AGRN: variants seen among roughly 807,000 people sequenced by gnomAD.
The protein encoded by AGRN is agrin proteoglycan.
Under a neutral mutation model 211.0 loss-of-function variants are expected in AGRN, and 106 were observed. That is an observed-to-expected ratio of 0.50 (90% CI 0.43 to 0.59). The LOEUF is 0.59. Ranked by LOEUF, AGRN falls within the 20% of genes least tolerant of loss-of-function variation. The pLI is 0.00. For missense variants in AGRN, 3,040 were observed against 2,982.6 expected (o/e 1.02, Z -0.45); for synonymous variants, 1,525 against 1,332.5 (o/e 1.14, Z -3.15).
chr1:1,039,504 C>T (rs778158473), intron 3 of AGRN, among the ~76,000 whole-genome samples: 2 of 151,764 alleles, frequency 1.3e-5, no homozygotes, highest in Non-Finnish European at 2.9e-5. Flanking sequence ...GATAATTGGA[C>T]CCAATTAAAC....
chr1:1,054,881 T>C lies in AGRN; in HGVS notation c.6038T>C (p.Phe2013Ser). ...CTGCCCAAGGCCTACGGCACAGGCT[T>C]TGTGGGCTGCTTGCGGGACGTGGTG... ...PALPKAYGTG[F>S]VGCLRDVVVG... The change falls in exon 36 of 36, where the codon TTT becomes TCT. Residue 2013 changes from phenylalanine (F) to serine (S), a missense_variant. Physicochemically the swap from Phe to Ser is radical, Grantham distance 155. This residue lies in a region of AGRN where 1,537 missense variants were observed against 1,505.0 expected (regional missense o/e 1.02). Transcript: ENST00000379370. 1 of 1,554,444 alleles carries C rather than the reference T, an allele frequency of 6.4e-7. No homozygotes were observed. The highest frequency in any genetic ancestry group is 8.7e-7 in the Non-Finnish European group (1 of 1,150,256).
chr1:1,049,944 C>T lies in AGRN; in HGVS notation c.4786C>T (p.Pro1596Ser), dbSNP rs777910926. ...TGAGAAGAGCCCCTGCCAGCCCAAC[C>T]CCTGCCATGGGGCGGCGCCCTGCCG... ...ADEKSPCQPNPCHGAAPCRVL... is the reference protein window; with the variant it reads ...ADEKSPCQPNSCHGAAPCRVL... The change falls in exon 27 of 36, where the codon CCC becomes TCC. Residue 1596 changes from proline (P) to serine (S), a missense_variant. By Grantham distance (74) the Pro-to-Ser change is moderately conservative. This residue lies in a region of AGRN where 1,537 missense variants were observed against 1,505.0 expected (regional missense o/e 1.02). Transcript: ENST00000379370. 1.4e-5 allele frequency: 23 copies of T among 1,612,188 alleles called. No homozygotes were observed. The highest frequency in any genetic ancestry group is 1.3e-4 in the Admixed American group (8 of 59,990).
In AGRN at chr1:1,031,828, G is replaced by A. The variant is rs372083355; in HGVS notation, c.464-3449G>A. 4.9e-4 allele frequency among the ~76,000 whole-genome samples: 74 copies of A among 152,322 alleles called. 1 individual carries two copies. The highest frequency in any genetic ancestry group is 2.3e-3 in the South Asian group (11 of 4,828). On this transcript the variant is annotated intron_variant, in intron 2 of 35. Transcript: ENST00000379370. The surrounding 1 kb of genome is among the most constrained non-coding windows in gnomAD (Gnocchi z 4.8). ...ATGGCTGAAGGTGGTGGCAGCAGGC[G>A]GGCTGGCGCGTGACCTGGTAGCACG...
At chr1:1,053,658 G>C in intron 33 of AGRN, 95 bp from the exon 34 acceptor site, 1 of 1,498,020 alleles carries the variant, frequency 6.7e-7, no homozygotes, top group South Asian at 1.2e-5. Flanking sequence ...CACAGCCCTT[G>C]TGGCCTCCGC....
intron 3 of AGRN, 113 bp downstream of exon 3, chr1:1,035,437 G>C: frequency 5.0e-6 from 7 of 1,410,720 alleles, no homozygotes; most frequent in Non-Finnish European, 7.0e-6. Context: ...TGAGGAGGAG[G>C]CTGGACAAGG....
Position 1,048,310 on chromosome 1 carries a change from CG to C in AGRN, c.4055del (p.Gly1352AlafsTer75), listed in dbSNP as rs1557714955. The stretch of plus-strand genomic sequence containing the variant: ...GGACCTGCCAGGACTGGGCATTGGG[CG>C]GGGGCTTCACCTGCAGCTGCCCGGC... ...GGTCQDWALG[G>X]GFTCSCPAGR... is the part of the protein sequence containing the mutation. On this transcript the variant is annotated frameshift_variant, in exon 23 of 36. Transcript: ENST00000379370. LOFTEE classifies it high-confidence loss of function. This position sits in a 1 kb window ranked among gnomAD's most constrained non-coding sequence, Gnocchi z 5.9. 2 of 1,493,254 alleles carry C rather than the reference CG, an allele frequency of 1.3e-6. No homozygotes were observed. The highest frequency in any genetic ancestry group is 1.4e-5 in the South Asian group (1 of 73,718). The allele number at this position is 1,493,254 out of a possible 1,614,324, so 92.5% of individuals were successfully genotyped here.
rs28758798 is a variant in AGRN at position 1,050,658 on chromosome 1, G to A, written c.5141+67G>A. ...CCCGGGGCCGGGGCACCAGCAGGTCGCTCAGGCCCTGGGTGGTCGCGTGGC... is the reference window on the plus strand; with the variant it reads ...CCCGGGGCCGGGGCACCAGCAGGTCACTCAGGCCCTGGGTGGTCGCGTGGC... On this transcript the variant is annotated intron_variant, in intron 29 of 35. Transcript: ENST00000379370. 9.4e-3 allele frequency: 14,994 copies of A among 1,603,264 alleles called. 207 individuals carry two copies. Among genetic ancestry groups the A allele is most frequent in the African/African-American group, 0.068 (5,078 of 74,816 alleles).
At chr1:1,044,711 C>T (rs1349921777) in intron 12 of AGRN, among the ~76,000 whole-genome samples, 1 of 152,176 alleles carries the variant, frequency 6.6e-6, no homozygotes, top group Non-Finnish European at 1.5e-5. Context: ...TGGGCACTTT[C>T]TCTGCATACG....
intron 2 of AGRN, among the ~76,000 whole-genome samples, chr1:1,024,191 G>A (rs1252654679): frequency 6.6e-6 from 1 of 152,090 alleles, no homozygotes; most frequent in Non-Finnish European, 1.5e-5. Flanking sequence ...TGGGGTCCCT[G>A]GCTGCCGGGA....
In AGRN at chr1:1,049,466, G is replaced by A; in HGVS notation, c.4514+15G>A. On this transcript the variant is annotated intron_variant, in intron 25 of 35. Transcript: ENST00000379370. ...CAGGCTGCCGTGTGAGTCCCTTGGA[G>A]GGTGGTGTGGCCCCGACCCCGGCCC... is the stretch of plus-strand genomic sequence containing the variant. 1.2e-6 allele frequency: 2 copies of A among 1,600,542 alleles called. No homozygotes were observed. Among genetic ancestry groups the A allele is most frequent in the Non-Finnish European group, 1.7e-6 (2 of 1,179,552 alleles).
intron 1 of AGRN, among the ~76,000 whole-genome samples, chr1:1,021,949 G>A (rs771602224): frequency 2.6e-5 from 4 of 152,250 alleles, no homozygotes; most frequent in African/African-American, 7.2e-5. Flanking sequence ...GAGCTGGGGT[G>A]GCTGAAGTTG....
Position 1,054,869 on chromosome 1 carries a change from ACG to A in AGRN, c.6027_6028del (p.Tyr2009Ter). 6.4e-7 allele frequency: 1 copy of A among 1,556,984 alleles called. No homozygotes were observed. Among genetic ancestry groups the A allele is most frequent in the Non-Finnish European group, 8.7e-7 (1 of 1,151,754 alleles). The stretch of plus-strand genomic sequence containing the variant: ...GTGGGCCCAGCACTGCCCAAGGCCT[ACG>A]GCACAGGCTTTGTGGGCTGCTTGCG... On this transcript the variant is annotated stop_gained and frameshift_variant, in exon 36 of 36. Transcript: ENST00000379370. LOFTEE classifies it high-confidence loss of function.
At chr1:1,046,374 C>G (rs368770822) in intron 17 of AGRN, 23 bp from the exon 18 acceptor site, 20 of 1,607,438 alleles carry the variant, frequency 1.2e-5, no homozygotes, top group East Asian at 2.2e-5. Context: ...CCGGTCCCCC[C>G]GCCAACCTCC....
chr1:1,030,023 A>G (rs4970346), intron 2 of AGRN, among the ~76,000 whole-genome samples: 70 of 46,204 alleles, frequency 1.5e-3, no homozygotes, highest in Middle Eastern at 0.016. Context: ...TGAGATCAGC[A>G]TGTGTGTGTG....
rs764216217 is a variant in AGRN, at chr1:1,041,668, G to A, written c.1143G>A (p.Leu381=). ...CGGGGGCCGCCCGGGGTCTCCTCCT[G>A]CAGAAAGTGCGCTCCGGCCAGTGCC... ...GRSGAARGLL[L]QKVRSGQCQG... Residue 381 remains leucine (L), a synonymous_variant, in exon 6 of 36, where the codon CTG becomes CTA. Coordinates refer to ENST00000379370, the MANE Select transcript of AGRN (RefSeq NM_198576.4). The A allele has an allele frequency of 8.1e-6, 13 of 1,610,904 alleles. No individual in the cohort carries two copies. Among genetic ancestry groups the A allele is most frequent in the Non-Finnish European group, 9.3e-6 (11 of 1,179,148 alleles).
intron 2 of AGRN, among the ~76,000 whole-genome samples, chr1:1,024,865 C>T (rs916520620): frequency 2.0e-5 from 3 of 152,178 alleles, no homozygotes; most frequent in Admixed American, 6.5e-5. Context: ...CACCTTTGGG[C>T]GGGGGAGGCC....
At chr1:1,049,084 G>GGA in intron 24 of AGRN, 25 bp downstream of exon 24, 1 of 1,449,468 alleles carries the variant, frequency 6.9e-7, no homozygotes, top group Non-Finnish European at 9.1e-7. Context: ...GACGGGGCCG[G>GGA]GGCAGCTCAG....
chr1:1,049,930 C>T lies in AGRN; in HGVS notation c.4772C>T (p.Pro1591Leu), dbSNP rs1456896760. ...CCAACCTGTGCCGATGAGAAGAGCC[C>T]CTGCCAGCCCAACCCCTGCCATGGG... is the stretch of plus-strand genomic sequence containing the variant. ...VGPTCADEKS[P>L]CQPNPCHGAA... Residue 1591 changes from proline to leucine, a missense_variant, in exon 27 of 36, where the codon CCC becomes CTC. By Grantham distance (98) the Pro-to-Leu change is moderately conservative. Around this residue, in one of 3 missense-constraint regions of AGRN, gnomAD observed 1,537 missense variants for 1,505.0 expected, o/e 1.02. Transcript: ENST00000379370. 6.2e-7 allele frequency: 1 copy of T among 1,611,896 alleles called. No homozygotes were observed. The highest frequency in any genetic ancestry group is 1.1e-5 in the South Asian group (1 of 91,082).
Position 1,046,524 on chromosome 1 carries a change from C to A in AGRN, c.3039C>A (p.His1013Gln), listed in dbSNP as rs549843700. The part of the protein sequence containing the change: ...ALPLAPSSTA[H>Q]SQTTPPPSSR... ...CCCTGGCTCCCAGCAGTACCGCACACAGCCAGACCACCCCTCCGCCCTCAT... is the reference window on the plus strand; with the variant it reads ...CCCTGGCTCCCAGCAGTACCGCACAAAGCCAGACCACCCCTCCGCCCTCAT... Residue 1013 changes from histidine (H) to glutamine (Q), a missense_variant, in exon 18 of 36, where the codon CAC (histidine) becomes CAA (glutamine). By Grantham distance (24) the His-to-Gln change is conservative. This residue lies in a region of AGRN where 1,537 missense variants were observed against 1,505.0 expected (regional missense o/e 1.02). Transcript: ENST00000379370. 6.2e-6 allele frequency: 10 copies of A among 1,610,640 alleles called. No homozygotes were observed. The South Asian group carries it at 1.1e-4, about 18-fold the overall frequency.
Sources: allele counts gnomAD v4.1 joint callset (sites outside exome capture counted in the v4.1 genomes callset), GRCh38; gene constraint gnomAD v4.1.1; regional missense constraint gnomAD v4.1.1; non-coding constraint Gnocchi (gnomAD v3.1); transcripts MANE v1.5; gene names NCBI Gene and HGNC (gene_info 2026-07-23, HGNC 2026-07-21).